Variants in CNTN2 observed in about 807,000 individuals in gnomAD.
CNTN2 encodes the protein contactin 2, also known as contactin-2.
In CNTN2, 53 loss-of-function variants were observed where a neutral mutation model predicts 117.5. That is an observed-to-expected ratio of 0.45 (90% CI 0.36 to 0.57). The LOEUF (loss-of-function observed/expected upper bound fraction) is 0.57, where lower values mean the gene tolerates loss of function less well. Ranked by LOEUF, CNTN2 falls within the 20% of genes least tolerant of loss-of-function variation. The pLI, the probability that CNTN2 is intolerant of heterozygous loss-of-function variation, is 0.00. For missense variants in CNTN2, 1,106 were observed against 1,404.3 expected, an observed-to-expected ratio of 0.79 and a Z score of 3.39; for synonymous variants, 530 against 561.7, an observed-to-expected ratio of 0.94 and a Z score of 0.80.
chr1:205,059,232 C>T lies in CNTN2; in HGVS notation c.636C>T (p.His212=), dbSNP rs777172499. 8.7e-6 allele frequency: 14 copies of T among 1,614,240 alleles called. No individual in the cohort carries two copies. Among genetic ancestry groups the T allele is most frequent in the Non-Finnish European group, 1.2e-5 (14 of 1,180,048 alleles). ...LGNYSCLATS[H]MDFSTKSVFS... ...ACTACTCCTGTTTGGCCACCAGCCA[C>T]ATGGACTTCTCCACCAAGAGCGTCT... The change falls in exon 6 of 23, where the codon CAC becomes CAT. Residue 212 remains histidine, a synonymous_variant. Coordinates refer to ENST00000331830, the MANE Select transcript of CNTN2 (RefSeq NM_005076.5). The surrounding 1 kb of genome is among the most constrained non-coding windows in gnomAD (Gnocchi z 5.6).
rs995901743 is a variant in CNTN2, at chr1:205,070,168, G to A, written c.2431+107G>A. 3.9e-5 allele frequency: 42 copies of A among 1,078,932 alleles called. No homozygotes were observed. The African/African-American group carries it at 5.3e-4, about 14-fold the overall frequency. The allele number at this position is 1,078,932 out of a possible 1,614,324, so 66.8% of individuals were successfully genotyped here. ...CTCCCAGCTCAGTTCCATAGGAGGA[G>A]GTTGAGAGGACACCTGGGTTCCACA... is the stretch of plus-strand genomic sequence containing the variant. On this transcript the variant is annotated intron_variant, in intron 18 of 22. Coordinates refer to ENST00000331830, the MANE Select transcript of CNTN2 (RefSeq NM_005076.5).
In CNTN2 at chr1:205,065,378, C is replaced by T. The variant is rs1351514773; in HGVS notation, c.1695+116C>T. ...AACCCATAGCCTAAGCGCCCCCATT[C>T]CCTCAGGCCCACACATGGCAAGCTC... On this transcript the variant is annotated intron_variant, in intron 13 of 22. Coordinates refer to ENST00000331830, the MANE Select transcript of CNTN2 (RefSeq NM_005076.5). The surrounding 1 kb of genome is among the most constrained non-coding windows in gnomAD (Gnocchi z 4.1). 14 of 1,069,686 alleles carry T rather than the reference C, an allele frequency of 1.3e-5. No individual in the cohort carries two copies. The highest frequency in any genetic ancestry group is 9.1e-5 in the Admixed American group (4 of 44,032). 66.3% of individuals were successfully genotyped at this position (1,069,686 alleles called of 1,614,324 possible). A position where few individuals can be genotyped will look rare whatever the true frequency, so the allele number is the denominator to read the frequency against.
rs1159603188 is a variant in CNTN2 at position 205,071,922 on chromosome 1, C to T, written c.2545-25C>T. The T allele has an allele frequency of 2.5e-6, 4 of 1,594,898 alleles. No individual in the cohort carries two copies. In the South Asian group the frequency reaches 4.6e-5, roughly 18 times the overall value. ...TGAGATCCTGGGCTTGACTACTACC[C>T]CTTGGGTACCCCCGCCTCCTTCAGA... On this transcript the variant is annotated intron_variant, in intron 19 of 22. Coordinates refer to ENST00000331830, the MANE Select transcript of CNTN2 (RefSeq NM_005076.5).
At chr1:205,057,781 C>T (rs1339391915) in intron 2 of CNTN2, 140 bp from the exon 3 acceptor site, 7 of 928,658 alleles carry the variant, frequency 7.5e-6, no homozygotes, top group Admixed American at 5.1e-5. Context: ...CCCTACGTGG[C>T]TAGTGGTTAC....
rs1654765689 is a variant in CNTN2, at chr1:205,074,552, T to C, written c.*787T>C. On this transcript the variant is annotated 3_prime_UTR_variant, in exon 23 of 23. Coordinates refer to ENST00000331830, the MANE Select transcript of CNTN2 (RefSeq NM_005076.5). ...TGCCAACCTGACCCTGTCATCCCGA[T>C]TGACAGCGCCACTTCAGGTGGCTGG... is the stretch of plus-strand genomic sequence containing the variant. The C allele has an allele frequency of 2.5e-6, 1 of 398,170 alleles. No homozygotes were observed. The highest frequency in any genetic ancestry group is 4.4e-5 in the Admixed American group (1 of 22,708). 24.7% of individuals were successfully genotyped at this position (398,170 alleles called of 1,614,324 possible). A position where few individuals can be genotyped will look rare whatever the true frequency, so the allele number is the denominator to read the frequency against.
chr1:205,046,227 A>T (rs2096441334), intron 1 of CNTN2, among the ~76,000 whole-genome samples: 1 of 152,208 alleles, frequency 6.6e-6, no homozygotes. Flanking sequence ...ATGCAAACAA[A>T]AGCAAGGAGT....
At position 205,073,764 on chromosome 1, in the gene CNTN2, G is replaced by A. The variant is rs1654722229; in HGVS notation, c.3122G>A (p.Ter1041=). ...MLILIGSLEL[*] is the part of the protein sequence containing the mutation. ...ATCCTCATAGGCTCCCTGGAGCTCTGATCCTGGAACCCCTCCCTCTGCGCC... is the reference window on the plus strand; with the variant it reads ...ATCCTCATAGGCTCCCTGGAGCTCTAATCCTGGAACCCCTCCCTCTGCGCC... Residue 1041 remains the stop codon, a stop_retained_variant, in exon 23 of 23, where the codon TGA becomes TAA. Transcript: ENST00000331830. The surrounding 1 kb of genome is among the most constrained non-coding windows in gnomAD (Gnocchi z 6.3). The A allele has an allele frequency of 1.9e-6, 3 of 1,612,950 alleles. No homozygotes were observed. Among genetic ancestry groups the A allele is most frequent in the Non-Finnish European group, 2.5e-6 (3 of 1,179,540 alleles).
At position 205,061,743 on chromosome 1, in the gene CNTN2, A is replaced by G; in HGVS notation, c.974-122A>G. The G allele has an allele frequency of 7.8e-7, 1 of 1,286,610 alleles. No individual in the cohort carries two copies. Among genetic ancestry groups the G allele is most frequent in the Non-Finnish European group, 1.1e-6 (1 of 944,012 alleles). The allele number at this position is 1,286,610 out of a possible 1,614,324, so 79.7% of individuals were successfully genotyped here. A position where few individuals can be genotyped will look rare whatever the true frequency, so the allele number is the denominator to read the frequency against. On this transcript the variant is annotated intron_variant, in intron 8 of 22. Coordinates refer to ENST00000331830, the MANE Select transcript of CNTN2 (RefSeq NM_005076.5). The surrounding 1 kb of genome is among the most constrained non-coding windows in gnomAD (Gnocchi z 4.8). ...CCCTCCTCTTTGTCCTCTCCATCTCAGAATGCTCATGGCGCCCTCTGCTGT... is the reference window on the plus strand; with the variant it reads ...CCCTCCTCTTTGTCCTCTCCATCTCGGAATGCTCATGGCGCCCTCTGCTGT...
intron 7 of CNTN2, chr1:205,060,028 C>T (rs1653889283): frequency 3.5e-6 from 1 of 283,102 alleles, no homozygotes; most frequent in African/African-American, 2.1e-5. Flanking sequence ...ACCCGCAGAC[C>T]TTGGGTAAAC....
chr1:205,071,100 A>G (rs4951166), intron 19 of CNTN2, among the ~76,000 whole-genome samples: 138,509 of 152,248 alleles, frequency 0.91, 63,149 homozygotes, highest in East Asian at 1. Context: ...TTGGAAGCTG[A>G]GAGGGTAGAA....
rs976292050 is a variant in CNTN2, at chr1:205,058,920, G to A, written c.488-164G>A. On this transcript the variant is annotated intron_variant, in intron 5 of 22. Transcript: ENST00000331830. The surrounding 1 kb of genome is among the most constrained non-coding windows in gnomAD (Gnocchi z 4.3). ...CAGACTTAGCGCTCCCTGAGGGCAG[G>A]AATAAAGTCACTTCTTCCCTCTAGG... 8 of 722,946 alleles carry A rather than the reference G, an allele frequency of 1.1e-5. No homozygotes were observed. Among genetic ancestry groups the A allele is most frequent in the Middle Eastern group, 2.8e-4 (1 of 3,584 alleles). 44.8% of individuals were successfully genotyped at this position (722,946 alleles called of 1,614,324 possible).
rs140373907 is a variant in CNTN2, at chr1:205,056,159, G to T, written c.71-1762G>T. Among the ~76,000 whole-genome samples, 670 of 152,292 alleles carry T rather than the reference G, an allele frequency of 4.4e-3. 8 individuals are homozygous for T. Among genetic ancestry groups the T allele is most frequent in the South Asian group, 0.038 (182 of 4,822 alleles). On this transcript the variant is annotated intron_variant, in intron 2 of 22. Coordinates refer to ENST00000331830, the MANE Select transcript of CNTN2 (RefSeq NM_005076.5). Reference sequence around the variant, plus strand: ...GCAGAGGAGAAAGGTTTCTCGGGAAGAAAGAGTCTGAATGTATCAACATGC... The same window carrying T: ...GCAGAGGAGAAAGGTTTCTCGGGAATAAAGAGTCTGAATGTATCAACATGC...
At chr1:205,069,804 C>T in intron 17 of CNTN2, 23 bp from the exon 18 acceptor site, 1 of 1,605,520 alleles carries the variant, frequency 6.2e-7, no homozygotes. Context: ...GACCCTCGCC[C>T]ATGCCATGCT....
At chr1:205,070,368 G>T in intron 18 of CNTN2, 58 bp from the exon 19 acceptor site, 1 of 1,245,594 alleles carries the variant, frequency 8.0e-7, no homozygotes, top group Non-Finnish European at 1.2e-6. Flanking sequence ...GTTGGGGGCT[G>T]CTCTGCAGGA....
rs1558542504 is a variant in CNTN2, at chr1:205,059,225, C to T, written c.629C>T (p.Thr210Ile). 2 of 1,614,222 alleles carry T rather than the reference C, an allele frequency of 1.2e-6. No individual in the cohort carries two copies. Among genetic ancestry groups the T allele is most frequent in the Non-Finnish European group, 1.7e-6 (2 of 1,180,034 alleles). Residue 210 changes from threonine (T) to isoleucine (I), a missense_variant, in exon 6 of 23, where the codon ACC becomes ATC. Coordinates refer to ENST00000331830, the MANE Select transcript of CNTN2 (RefSeq NM_005076.5). The surrounding 1 kb of genome is among the most constrained non-coding windows in gnomAD (Gnocchi z 5.6). ...SDLGNYSCLA[T>I]SHMDFSTKSV... The stretch of plus-strand genomic sequence containing the variant: ...CTGGGCAACTACTCCTGTTTGGCCA[C>T]CAGCCACATGGACTTCTCCACCAAG...
chr1:205,062,106 C>A, intron 9 of CNTN2, 105 bp downstream of exon 9: 2 of 1,419,418 alleles, frequency 1.4e-6, no homozygotes, highest in South Asian at 2.6e-5. Context: ...CCCCTCTGGG[C>A]TAATTAGGGT....
intron 14 of CNTN2, 94 bp from the exon 15 acceptor site, chr1:205,066,347 G>T (rs745626972): frequency 2.3e-4 from 335 of 1,454,116 alleles, no homozygotes; most frequent in Non-Finnish European, 3.1e-4. Flanking sequence ...GCCCTGTCTT[G>T]GTACTGTACC....
chr1:205,045,486 C>T (rs2096440026), intron 1 of CNTN2, among the ~76,000 whole-genome samples: 1 of 152,120 alleles, frequency 6.6e-6, no homozygotes, highest in South Asian at 2.1e-4. Flanking sequence ...ACAGGTGTAC[C>T]CCAAGGCATC....
rs1653844474 is a variant in CNTN2 at position 205,059,335 on chromosome 1, G to A, written c.697+42G>A. The A allele has an allele frequency of 6.4e-7, 1 of 1,568,658 alleles. No individual in the cohort carries two copies. The highest frequency in any genetic ancestry group is 1.7e-5 in the Admixed American group (1 of 57,256). ...CGTGGCTGGAGGGAGGGAACTGGAA[G>A]GGTCAGCGGGCATTAGGAAAAGGGT... is the stretch of plus-strand genomic sequence containing the variant. On this transcript the variant is annotated intron_variant, in intron 6 of 22. Coordinates refer to ENST00000331830, the MANE Select transcript of CNTN2 (RefSeq NM_005076.5). This position sits in a 1 kb window ranked among gnomAD's most constrained non-coding sequence, Gnocchi z 5.6.
Sources: gnomAD v4.1 joint callset for allele counts (sites outside exome capture counted in the v4.1 genomes callset) on GRCh38, gnomAD v4.1.1 for gene constraint, Gnocchi (gnomAD v3.1) non-coding constraint, MANE v1.5 for transcripts, NCBI Gene and HGNC (gene_info 2026-07-23, HGNC 2026-07-21) for gene names.